DPP8: variants seen among roughly 807,000 people sequenced by gnomAD.
The protein encoded by DPP8 is dipeptidyl peptidase 8.
In DPP8, 31 loss-of-function variants were observed where a neutral mutation model predicts 107.5. That is an observed-to-expected ratio of 0.29 (90% confidence interval 0.22 to 0.39). The LOEUF (loss-of-function observed/expected upper bound fraction) is 0.39, where lower values mean the gene tolerates loss of function less well. DPP8 is among the 10% of genes least tolerant of loss of function. The pLI is 1.00. For synonymous variants in DPP8, 381 were observed against 356.6 expected, an observed-to-expected ratio of 1.07 and a Z score of -0.77; for missense variants, 842 against 1,076.1, an observed-to-expected ratio of 0.78 and a Z score of 3.04.
intron 11 of DPP8, among the ~76,000 whole-genome samples, chr15:65,475,910 G>A (rs1425809264): frequency 6.6e-6 from 1 of 152,006 alleles, no homozygotes; most frequent in Non-Finnish European, 1.5e-5. Flanking sequence ...CACCACACTT[G>A]GTTAATTTTT....
chr15:65,460,285 T>C (rs1595882659), intron 15 of DPP8, among the ~76,000 whole-genome samples: 3 of 151,660 alleles, frequency 2.0e-5, no homozygotes, highest in Admixed American at 2.0e-4. Flanking sequence ...CTACTAAAAA[T>C]ACAAAAAATT....
chr15:65,476,595 G>A (rs757873263), intron 11 of DPP8, among the ~76,000 whole-genome samples: 1 of 152,274 alleles, frequency 6.6e-6, no homozygotes, highest in Non-Finnish European at 1.5e-5. Context: ...ACTACCGTTG[G>A]TGTTCCAATG....
chr15:65,509,264 C>T (rs1384383932), intron 2 of DPP8, among the ~76,000 whole-genome samples: 1 of 152,146 alleles, frequency 6.6e-6, no homozygotes, highest in Non-Finnish European at 1.5e-5. Flanking sequence ...AAAATGTGAT[C>T]CTTCTAAGAG....
intron 15 of DPP8, among the ~76,000 whole-genome samples, chr15:65,459,814 G>T (rs1053594673): frequency 2.0e-5 from 3 of 152,012 alleles, no homozygotes; most frequent in African/African-American, 4.8e-5. Flanking sequence ...AATTAGCCAG[G>T]TATGGTGCTG....
intron 2 of DPP8, among the ~76,000 whole-genome samples, chr15:65,509,026 T>C (rs192823622): frequency 1.3e-5 from 2 of 152,216 alleles, no homozygotes; most frequent in Non-Finnish European, 2.9e-5. Flanking sequence ...ATAACTCCCA[T>C]GCTAACCCTT....
chr15:65,488,079 T>G lies in DPP8; in HGVS notation c.827-261A>C, dbSNP rs188306957. On this transcript the variant is annotated intron_variant, in intron 6 of 19. Transcript: ENST00000300141. Reference sequence around the variant, plus strand: ...CAGGGAAAAACATTTTTGTAGGACTTTGTTCTTGCATACCATAAAATGCAT... The same window carrying G: ...CAGGGAAAAACATTTTTGTAGGACTGTGTTCTTGCATACCATAAAATGCAT... 1.7e-3 allele frequency among the ~76,000 whole-genome samples: 262 copies of G among 152,302 alleles called. 1 individual carries two copies. Among genetic ancestry groups the G allele is most frequent in the Non-Finnish European group, 2.8e-3 (191 of 68,028 alleles).
intron 19 of DPP8, among the ~76,000 whole-genome samples, chr15:65,447,899 A>T (rs181772751): frequency 6.6e-6 from 1 of 152,316 alleles, no homozygotes; most frequent in African/African-American, 2.4e-5. Flanking sequence ...CTCAGTAGTA[A>T]TATTATTATA....
At chr15:65,510,740 T>C (rs1291615913) in intron 2 of DPP8, among the ~76,000 whole-genome samples, 1 of 152,200 alleles carries the variant, frequency 6.6e-6, no homozygotes, top group Non-Finnish European at 1.5e-5. Flanking sequence ...GGTTTCACCA[T>C]GTTGGTGAGG....
intron 4 of DPP8, 41 bp from the exon 5 acceptor site, chr15:65,498,073 A>T (rs779109548): frequency 1.4e-6 from 2 of 1,418,826 alleles, no homozygotes; most frequent in South Asian, 1.4e-5. Context: ...TATTAGGCTG[A>T]CACATACATG....
chr15:65,476,314 TTAAAA>T (rs1391765693), intron 11 of DPP8, among the ~76,000 whole-genome samples: 16 of 152,004 alleles, frequency 1.1e-4, no homozygotes, highest in Admixed American at 9.8e-4. Context: ...TAGACAGAAA[TTAAAA>T]TAAAATTTAA....
intron 8 of DPP8, among the ~76,000 whole-genome samples, chr15:65,483,273 C>T (rs2067097696): frequency 6.6e-6 from 1 of 151,932 alleles, no homozygotes; most frequent in African/African-American, 2.4e-5. Flanking sequence ...ACCTGTAATC[C>T]CAGCACTTTG....
chr15:65,460,529 C>T (rs1363817103), intron 15 of DPP8, among the ~76,000 whole-genome samples: 2 of 152,172 alleles, frequency 1.3e-5, no homozygotes, highest in African/African-American at 4.8e-5. Context: ...TACTTTCTAT[C>T]CCTATGAATT....
chr15:65,454,509 CTG>C, intron 16 of DPP8, 94 bp from the exon 17 acceptor site: 1 of 1,119,318 alleles, frequency 8.9e-7, no homozygotes, highest in South Asian at 1.6e-5. Context: ...CTAAAAATAC[CTG>C]TAGGTGTTTT....
chr15:65,501,322 T>C (rs1368691098), intron 3 of DPP8, among the ~76,000 whole-genome samples: 2 of 152,204 alleles, frequency 1.3e-5, no homozygotes, highest in East Asian at 3.8e-4. Context: ...AGATGATTAC[T>C]GTATACATTA....
intron 11 of DPP8, chr15:65,475,310 A>G: frequency 1.2e-6 from 1 of 833,686 alleles, no homozygotes; most frequent in Non-Finnish European, 2.0e-6. Context: ...TGGTAGGTGG[A>G]AGTTGGGTCA....
At chr15:65,513,436 T>C (rs1413064304) in intron 1 of DPP8, among the ~76,000 whole-genome samples, 1 of 152,116 alleles carries the variant, frequency 6.6e-6, no homozygotes, top group Admixed American at 6.6e-5. Flanking sequence ...ATGGTCTTGA[T>C]CTCCTGACCT....
At chr15:65,511,921 A>C (rs2070836245) in intron 2 of DPP8, 1 of 330,806 alleles carries the variant, frequency 3.0e-6, no homozygotes, top group African/African-American at 2.1e-5. Context: ...GGAAGAAGAG[A>C]CCAAAAACAG....
intron 2 of DPP8, chr15:65,511,890 A>C (rs145991426): frequency 4.2e-4 from 117 of 281,612 alleles, no homozygotes; most frequent in African/African-American, 2.3e-3. Context: ...GCAGACATTA[A>C]ATCTGGAGTG....
intron 5 of DPP8, among the ~76,000 whole-genome samples, chr15:65,494,636 C>CA (rs559403232): frequency 7.4e-3 from 83 of 11,180 alleles, no homozygotes; most frequent in Non-Finnish European, 0.013. Context: ...GACCCTGTCT[C>CA]AAAAAAATTG....
Sources: allele counts gnomAD v4.1 joint callset (sites outside exome capture counted in the v4.1 genomes callset), GRCh38; gene constraint gnomAD v4.1.1; transcripts MANE v1.5; gene names NCBI Gene and HGNC (gene_info 2026-07-23, HGNC 2026-07-21).